ZFYVE9: variants seen among roughly 807,000 people sequenced by gnomAD.
The protein encoded by ZFYVE9 is zinc finger FYVE domain-containing protein 9.
In ZFYVE9, 43 loss-of-function variants were observed where a neutral mutation model predicts 126.7. The ratio of observed to expected loss-of-function variants is 0.34; its 90% confidence interval spans 0.27 to 0.44. ZFYVE9 has a LOEUF of 0.44. Among genes scored for constraint, ZFYVE9 ranks in the 20% least tolerant of loss-of-function variants. The pLI, the probability that ZFYVE9 is intolerant of heterozygous loss-of-function variation, is 1.00. For missense variants in ZFYVE9, 1,476 were observed against 1,697.0 expected (o/e 0.87, Z 2.29); for synonymous variants, 521 against 597.4 (o/e 0.87, Z 1.87).
chr1:52,253,241 G>C (rs1045543586), intron 4 of ZFYVE9, among the ~76,000 whole-genome samples: 1 of 152,114 alleles, frequency 6.6e-6, no homozygotes, highest in African/African-American at 2.4e-5. Flanking sequence ...TCAGAAGTTG[G>C]TTATACAGTA....
chr1:52,291,634 T>C (rs969217623), intron 10 of ZFYVE9, among the ~76,000 whole-genome samples: 21 of 152,114 alleles, frequency 1.4e-4, no homozygotes, highest in African/African-American at 4.8e-4. Flanking sequence ...TCCCAACACT[T>C]TGGGAGGCCA....
intron 13 of ZFYVE9, among the ~76,000 whole-genome samples, chr1:52,313,057 C>A (rs1646152984): frequency 6.6e-6 from 1 of 152,200 alleles, no homozygotes; most frequent in South Asian, 2.1e-4. Context: ...AGATGGCCAA[C>A]TACAAGCCAA....
At chr1:52,299,226 A>T (rs1646009705) in intron 12 of ZFYVE9, among the ~76,000 whole-genome samples, 1 of 151,812 alleles carries the variant, frequency 6.6e-6, no homozygotes, top group African/African-American at 2.4e-5. Flanking sequence ...TTTATTTTTT[A>T]TTAGCGTATA....
intron 15 of ZFYVE9, among the ~76,000 whole-genome samples, chr1:52,335,680 G>C (rs535428716): frequency 6.6e-6 from 1 of 152,288 alleles, no homozygotes; most frequent in East Asian, 1.9e-4. Context: ...TTGGAAAAAG[G>C]GAGGGAAATT....
At chr1:52,180,275 C>T in intron 1 of ZFYVE9, 1 of 1,600,354 alleles carries the variant, frequency 6.2e-7, no homozygotes, top group East Asian at 2.2e-5. Flanking sequence ...TCAAATTTAT[C>T]AAAGCCATTT....
intron 8 of ZFYVE9, among the ~76,000 whole-genome samples, chr1:52,275,821 A>G (rs1645742728): frequency 6.6e-6 from 1 of 151,376 alleles, no homozygotes; most frequent in South Asian, 2.1e-4. Context: ...TTAAACATAG[A>G]TATTATCTTA....
intron 4 of ZFYVE9, chr1:52,253,867 T>C: frequency 1.6e-6 from 2 of 1,246,724 alleles, no homozygotes; most frequent in South Asian, 1.2e-5. Flanking sequence ...TTATGCAGAC[T>C]ACAAATCTGA....
intron 8 of ZFYVE9, among the ~76,000 whole-genome samples, chr1:52,275,267 G>T (rs1333709458): frequency 6.6e-6 from 1 of 151,876 alleles, no homozygotes; most frequent in Non-Finnish European, 1.5e-5. Flanking sequence ...TTTGAGACAG[G>T]GTCTCTTTAT....
chr1:52,185,643 G>T (rs1242940774), intron 1 of ZFYVE9, among the ~76,000 whole-genome samples: 3 of 152,094 alleles, frequency 2.0e-5, no homozygotes, highest in Non-Finnish European at 4.4e-5. Flanking sequence ...GCTCTTGATG[G>T]CCGGGCACGG....
intron 2 of ZFYVE9, among the ~76,000 whole-genome samples, chr1:52,219,750 TGTGTG>T (rs1317360958): frequency 8.0e-4 from 6 of 7,466 alleles, no homozygotes; most frequent in Non-Finnish European, 2.2e-3. Context: ...CAAGATCTTT[TGTGTG>T]TGTGTGTGTG....
In ZFYVE9 at chr1:52,238,472, A is replaced by G; in HGVS notation, c.1055A>G (p.Asn352Ser). 1.2e-6 allele frequency: 2 copies of G among 1,614,122 alleles called. No homozygotes were observed. Among genetic ancestry groups the G allele is most frequent in the South Asian group, 2.2e-5 (2 of 91,088 alleles). Residue 352 changes from asparagine to serine, a missense_variant, in exon 4 of 19, where the codon AAT (asparagine) becomes AGT (serine). Physicochemically the swap from Asn to Ser is conservative, Grantham distance 46 (BLOSUM62 1). Around this residue, in one of 2 missense-constraint regions of ZFYVE9, gnomAD observed 807 missense variants for 794.6 expected, o/e 1.02. Transcript: ENST00000287727. ...KPDMPNGSGR[N>S]NDCERCSDCL... ...GACATGCCTAATGGGTCTGGAAGGA[A>G]TAATGACTGTGAACGGTGTTCAGAT...
At chr1:52,254,414 C>T (rs907866928) in intron 4 of ZFYVE9, among the ~76,000 whole-genome samples, 15 of 147,262 alleles carry the variant, frequency 1.0e-4, no homozygotes, top group Non-Finnish European at 1.6e-4. Flanking sequence ...TGTGGCTGGG[C>T]GTGGTGGCTC....
rs138618408 is a variant in ZFYVE9 at position 52,225,806 on chromosome 1, A to G, written c.-36-7365A>G. Among the ~76,000 whole-genome samples the G allele has an allele frequency of 2.4e-3, 361 of 152,304 alleles. 8 individuals carry two copies. The highest frequency in any genetic ancestry group is 8.5e-3 in the African/African-American group (354 of 41,556). ...ATTTTGCCAAGGTTGAGGACACCCAAGAGGTCCTGATGAAGCAACTGTGTT... is the reference window on the plus strand; with the variant it reads ...ATTTTGCCAAGGTTGAGGACACCCAGGAGGTCCTGATGAAGCAACTGTGTT... On this transcript the variant is annotated intron_variant, in intron 2 of 18. Coordinates refer to ENST00000287727, the MANE Select transcript of ZFYVE9 (RefSeq NM_004799.4).
At chr1:52,320,285 G>C (rs969641957) in intron 13 of ZFYVE9, among the ~76,000 whole-genome samples, 1 of 152,000 alleles carries the variant, frequency 6.6e-6, no homozygotes, top group African/African-American at 2.4e-5. Context: ...GGCCAGGCTG[G>C]TCTCGAACTC....
chr1:52,318,106 T>C (rs1167466008), intron 13 of ZFYVE9, among the ~76,000 whole-genome samples: 1 of 152,150 alleles, frequency 6.6e-6, no homozygotes, highest in Non-Finnish European at 1.5e-5. Flanking sequence ...ATGAAAACTA[T>C]ACATCATACC....
intron 15 of ZFYVE9, among the ~76,000 whole-genome samples, chr1:52,336,384 T>C (rs1425992952): frequency 6.7e-6 from 1 of 148,804 alleles, no homozygotes; most frequent in Non-Finnish European, 1.5e-5. Context: ...TTTTTTTTTT[T>C]TTTAAGATGG....
intron 1 of ZFYVE9, among the ~76,000 whole-genome samples, chr1:52,161,003 C>T (rs1284300351): frequency 6.6e-6 from 1 of 152,146 alleles, no homozygotes; most frequent in Non-Finnish European, 1.5e-5. Flanking sequence ...ATGATATTTT[C>T]TGTGACAGAC....
intron 12 of ZFYVE9, among the ~76,000 whole-genome samples, chr1:52,300,500 AG>A (rs1646023173): frequency 6.6e-6 from 1 of 151,876 alleles, no homozygotes. Flanking sequence ...CTGAGCCAGG[AG>A]AATCTTTTGA....
chr1:52,143,897 T>G (rs560700552), intron 1 of ZFYVE9, among the ~76,000 whole-genome samples: 4 of 152,336 alleles, frequency 2.6e-5, no homozygotes, highest in Non-Finnish European at 5.9e-5. Flanking sequence ...ATTGTTTTTG[T>G]CAGATTTTAA....
Sources: gnomAD v4.1 joint callset for allele counts (sites outside exome capture counted in the v4.1 genomes callset) on GRCh38, gnomAD v4.1.1 for gene constraint, gnomAD v4.1.1 regional missense constraint, MANE v1.5 for transcripts, NCBI Gene and HGNC (gene_info 2026-07-23, HGNC 2026-07-21) for gene names.